STK3: variants seen among roughly 807,000 people sequenced by gnomAD.
STK3 encodes the protein serine/threonine kinase 3.
In STK3, 41 loss-of-function variants were observed where a neutral mutation model predicts 58.0. The observed-to-expected ratio is 0.71, with a 90% CI of 0.55 to 0.92. The LOEUF is 0.92. Ranked by LOEUF, STK3 falls within the 40% of genes least tolerant of loss-of-function variation. The pLI is 0.00. For synonymous variants in STK3, 170 were observed against 191.0 expected, an observed-to-expected ratio of 0.89 and a Z score of 0.91; for missense variants, 479 against 602.7, an observed-to-expected ratio of 0.79 and a Z score of 2.15.
At chr8:98,523,756 T>C (rs1825552893) in intron 10 of STK3, among the ~76,000 whole-genome samples, 2 of 152,230 alleles carry the variant, frequency 1.3e-5, no homozygotes, top group Non-Finnish European at 2.9e-5. Context: ...ACATTATGAA[T>C]ATTAACCTCT....
At chr8:98,756,027 C>T (rs1166471150) in intron 3 of STK3, among the ~76,000 whole-genome samples, 1 of 152,008 alleles carries the variant, frequency 6.6e-6, no homozygotes, top group East Asian at 1.9e-4. Flanking sequence ...CCTATAATCC[C>T]AGCTACTCAG....
chr8:98,458,667 T>G (rs926804159), intron 10 of STK3, among the ~76,000 whole-genome samples: 5 of 152,160 alleles, frequency 3.3e-5, no homozygotes, highest in Non-Finnish European at 7.3e-5. Context: ...GATTGGATCA[T>G]GGGGGCAGTT....
At chr8:98,644,951 C>T (rs897534973) in intron 6 of STK3, among the ~76,000 whole-genome samples, 17 of 152,170 alleles carry the variant, frequency 1.1e-4, no homozygotes, top group African/African-American at 3.4e-4. Context: ...GTCTCTTTCC[C>T]GGTCCACATT....
chr8:98,354,671 C>G, the STK3 span, among the ~76,000 whole-genome samples: 1 of 152,188 alleles, frequency 6.6e-6, no homozygotes, highest in East Asian at 1.9e-4. Flanking sequence ...TAGGCAAATC[C>G]TGGGCTCTTT....
chr8:98,347,523 ACAAAAAAAACCAAAAAAAAC>A, the STK3 span, among the ~76,000 whole-genome samples: 1 of 142,148 alleles, frequency 7.0e-6, no homozygotes, highest in Non-Finnish European at 1.6e-5. Flanking sequence ...TCAAAAAAAA[ACAAAAAAAACCAAAAAAAAC>A]CACAGCGTAT....
intron 10 of STK3, among the ~76,000 whole-genome samples, chr8:98,522,454 T>C (rs896802724): frequency 1.3e-5 from 2 of 152,184 alleles, no homozygotes; most frequent in African/African-American, 4.8e-5. Context: ...CCATATCTTA[T>C]GAATTAGGAC....
At chr8:98,527,185 AG>A (rs1405987299) in intron 9 of STK3, among the ~76,000 whole-genome samples, 1 of 152,238 alleles carries the variant, frequency 6.6e-6, no homozygotes, top group Admixed American at 6.5e-5. Context: ...AATCATTATC[AG>A]AATTTTATTA....
chr8:98,347,715 A>G, the STK3 span, among the ~76,000 whole-genome samples: 1 of 152,210 alleles, frequency 6.6e-6, no homozygotes, highest in Non-Finnish European at 1.5e-5. Context: ...CAGAGTGGAT[A>G]AAAAAGCAAG....
intron 4 of STK3, among the ~76,000 whole-genome samples, chr8:98,741,137 A>T (rs578180905): frequency 9.2e-5 from 14 of 152,272 alleles, no homozygotes; most frequent in African/African-American, 1.9e-4. Flanking sequence ...CTCCCACACA[A>T]TAATAATGGG....
chr8:98,496,448 AAAAG>A (rs1823143369), intron 10 of STK3, among the ~76,000 whole-genome samples: 1 of 152,138 alleles, frequency 6.6e-6, no homozygotes, highest in Non-Finnish European at 1.5e-5. Context: ...TAAATTTAAC[AAAAG>A]AAATATACAA....
At chr8:98,487,135 A>G (rs930088417) in intron 10 of STK3, among the ~76,000 whole-genome samples, 3 of 152,234 alleles carry the variant, frequency 2.0e-5, no homozygotes, top group African/African-American at 7.2e-5. Context: ...GAGAGAATAT[A>G]ATATGATATA....
At chr8:98,854,784 G>A (rs147789799) in intron 3 of STK3, among the ~76,000 whole-genome samples, 98 of 152,190 alleles carry the variant, frequency 6.4e-4, no homozygotes, top group Non-Finnish European at 1.1e-3. Context: ...AACTGGGCAC[G>A]GTGGCTCACA....
intron 1 of STK3, among the ~76,000 whole-genome samples, chr8:98,914,050 C>T (rs1173937226): frequency 7.1e-6 from 1 of 140,356 alleles, no homozygotes; most frequent in Non-Finnish European, 1.6e-5. Context: ...CAGTTAAAGC[C>T]AATTCAAAAA....
At chr8:98,348,577 A>G in the STK3 span, among the ~76,000 whole-genome samples, 1 of 152,268 alleles carries the variant, frequency 6.6e-6, no homozygotes, top group Non-Finnish European at 1.5e-5. Context: ...ACATTAAGAA[A>G]ACAAACAACC....
At chr8:98,909,923 C>A (rs1056896946) in intron 1 of STK3, among the ~76,000 whole-genome samples, 1 of 152,128 alleles carries the variant, frequency 6.6e-6, no homozygotes, top group Non-Finnish European at 1.5e-5. Context: ...AACTGCCAGA[C>A]TTTTTTTCAA....
downstream of STK3, among the ~76,000 whole-genome samples, chr8:98,398,267 C>T (rs1817912612): frequency 1.3e-5 from 2 of 152,096 alleles, no homozygotes; most frequent in African/African-American, 4.8e-5. Context: ...AGTGACCCTC[C>T]CATTCCTACC....
At position 98,596,098 on chromosome 8, in the gene STK3, G is replaced by A. The variant is rs149198380; in HGVS notation, c.756C>T (p.Thr252=). ...TCACCAAACACTTTTTAACAAAATC[G>A]GTGAAATCATCGGACCAAAGTTCTG... ...RKPELWSDDF[T]DFVKKCLVKN... The change falls in exon 7 of 11, where the codon ACC becomes ACT. Residue 252 remains threonine, a synonymous_variant. Transcript: ENST00000419617. 7.7e-5 allele frequency: 125 copies of A among 1,613,132 alleles called. No homozygotes were observed. In the African/African-American group the frequency reaches 1.1e-3, roughly 14 times the overall value.
chr8:98,689,455 T>C (rs560357565), intron 6 of STK3, among the ~76,000 whole-genome samples: 1 of 152,230 alleles, frequency 6.6e-6, no homozygotes, highest in East Asian at 1.9e-4. Flanking sequence ...ATATCCCTAA[T>C]GAACATAAGA....
intron 1 of STK3, among the ~76,000 whole-genome samples, chr8:98,805,473 G>C (rs1833838851): frequency 6.6e-6 from 1 of 152,078 alleles, no homozygotes. Context: ...TACTCGGGAG[G>C]CTAAGGCAGG....
Sources: gnomAD v4.1 joint callset for allele counts (sites outside exome capture counted in the v4.1 genomes callset) on GRCh38, gnomAD v4.1.1 for gene constraint, MANE v1.5 for transcripts, NCBI Gene and HGNC (gene_info 2026-07-23, HGNC 2026-07-21) for gene names.